The following LRP1B variants were observed in gnomAD, a reference collection of about 807,000 sequenced individuals.
LRP1B encodes the protein low-density lipoprotein receptor-related protein 1B.
A neutral mutation model predicts 556.6 loss-of-function variants in LRP1B; 217 were observed. That is an observed-to-expected ratio of 0.39 (90% CI 0.35 to 0.44). LRP1B has a LOEUF of 0.44. Ranked by LOEUF, LRP1B falls within the 20% of genes least tolerant of loss-of-function variation. LRP1B has a pLI of 1.00. For missense variants in LRP1B, 5,053 were observed against 5,620.8 expected, an observed-to-expected ratio of 0.90 and a Z score of 3.23; for synonymous variants, 2,047 against 1,865.8, an observed-to-expected ratio of 1.10 and a Z score of -2.50.
intron 66 of LRP1B, among the ~76,000 whole-genome samples, chr2:140,420,014 G>GAAAAAAAAA (rs76165653): frequency 2.3e-5 from 2 of 86,348 alleles, no homozygotes; most frequent in Admixed American, 1.4e-4. Context: ...TCATAAAAAA[G>GAAAAAAAAA]AAAAAAAAAA....
chr2:141,906,499 G>GT (rs1010273054), intron 1 of LRP1B, among the ~76,000 whole-genome samples: 13 of 152,026 alleles, frequency 8.6e-5, no homozygotes, highest in African/African-American at 1.9e-4. Flanking sequence ...CAGCAAACAA[G>GT]TTTTTTTATC....
intron 2 of LRP1B, among the ~76,000 whole-genome samples, chr2:141,514,747 G>A (rs764510622): frequency 1.8e-4 from 28 of 152,106 alleles, no homozygotes; most frequent in Non-Finnish European, 3.7e-4. Flanking sequence ...GAACACTTAC[G>A]TTAGCCTACA....
At chr2:140,735,605 G>T (rs1466357243) in intron 35 of LRP1B, among the ~76,000 whole-genome samples, 1 of 152,112 alleles carries the variant, frequency 6.6e-6, no homozygotes, top group Non-Finnish European at 1.5e-5. Context: ...TCTTTGAGGG[G>T]TTTGGCTCCT....
At chr2:140,277,104 C>A (rs532520888) in intron 84 of LRP1B, among the ~76,000 whole-genome samples, 7 of 150,606 alleles carry the variant, frequency 4.6e-5, no homozygotes, top group African/African-American at 1.2e-4. Context: ...TATAACTATA[C>A]CCCTGAAAAG....
intron 16 of LRP1B, among the ~76,000 whole-genome samples, chr2:140,990,950 T>C (rs1697075441): frequency 6.6e-6 from 1 of 152,180 alleles, no homozygotes. Context: ...CATTTCCAGT[T>C]AGTTTCTATA....
intron 2 of LRP1B, among the ~76,000 whole-genome samples, chr2:141,591,145 G>A (rs1574114155): frequency 2.0e-5 from 3 of 152,110 alleles, no homozygotes; most frequent in Non-Finnish European, 2.9e-5. Context: ...CAAGAAGTAC[G>A]TCTGTAGTAT....
intron 1 of LRP1B, among the ~76,000 whole-genome samples, chr2:142,036,090 A>G (rs1334537304): frequency 6.6e-6 from 1 of 151,710 alleles, no homozygotes; most frequent in Non-Finnish European, 1.5e-5. Context: ...AGTCTTAGGT[A>G]TGTCTTAATC....
chr2:140,683,866 T>G, intron 41 of LRP1B: 1 of 587,206 alleles, frequency 1.7e-6, no homozygotes, highest in Non-Finnish European at 3.1e-6. Context: ...CGCGGCCCCC[T>G]GCGCCTGGGC....
chr2:140,703,992 A>G (rs1686738974), intron 37 of LRP1B, among the ~76,000 whole-genome samples: 1 of 152,156 alleles, frequency 6.6e-6, no homozygotes, highest in Non-Finnish European at 1.5e-5. Context: ...TTTTGGTATA[A>G]TGATGCATTT....
chr2:141,195,365 C>A (rs532893193), intron 6 of LRP1B, among the ~76,000 whole-genome samples: 1 of 152,108 alleles, frequency 6.6e-6, no homozygotes, highest in Non-Finnish European at 1.5e-5. Context: ...TTGATTGCAA[C>A]CTCATGAGAG....
At chr2:140,543,397 T>C (rs936882160) in intron 43 of LRP1B, among the ~76,000 whole-genome samples, 3 of 152,006 alleles carry the variant, frequency 2.0e-5, no homozygotes, top group Admixed American at 6.6e-5. Context: ...AATAAAATGG[T>C]TAATACATCA....
chr2:142,079,459 G>A (rs1313282430), intron 1 of LRP1B, among the ~76,000 whole-genome samples: 1 of 151,920 alleles, frequency 6.6e-6, no homozygotes, highest in Non-Finnish European at 1.5e-5. Context: ...TATTCAAAAT[G>A]TGATTTTTCA....
At chr2:140,315,190 A>G (rs1464363124) in intron 82 of LRP1B, 91 bp from the exon 83 acceptor site, 4 of 844,892 alleles carry the variant, frequency 4.7e-6, no homozygotes, top group Non-Finnish European at 6.9e-6. Flanking sequence ...AAATACTAGG[A>G]TCTTGTGTTT....
At chr2:140,766,532 C>T (rs12470771) in intron 35 of LRP1B, among the ~76,000 whole-genome samples, 89,032 of 151,414 alleles carry the variant, frequency 0.59, 26,330 homozygotes, top group East Asian at 0.76. Context: ...GTTAGTTCAG[C>T]CTAAGCACTG....
At chr2:140,904,181 T>C (rs1165544428) in intron 22 of LRP1B, among the ~76,000 whole-genome samples, 1 of 152,106 alleles carries the variant, frequency 6.6e-6, no homozygotes, top group Non-Finnish European at 1.5e-5. Flanking sequence ...GCACACATTG[T>C]CCTAAAATTT....
chr2:140,695,396 G>A (rs1417623262), intron 41 of LRP1B, among the ~76,000 whole-genome samples: 1 of 152,062 alleles, frequency 6.6e-6, no homozygotes, highest in Non-Finnish European at 1.5e-5. Flanking sequence ...CAAGTCATTG[G>A]CCTAACAGTA....
intron 35 of LRP1B, among the ~76,000 whole-genome samples, chr2:140,766,871 A>G (rs1488987178): frequency 2.1e-5 from 3 of 144,086 alleles, no homozygotes; most frequent in Non-Finnish European, 4.5e-5. Flanking sequence ...TATATAATAT[A>G]TATAACATAT....
intron 20 of LRP1B, among the ~76,000 whole-genome samples, chr2:140,931,495 A>G (rs1322351205): frequency 6.6e-6 from 1 of 152,136 alleles, no homozygotes; most frequent in Non-Finnish European, 1.5e-5. Context: ...AAAAAAATAC[A>G]AGATTTCAAG....
At chr2:141,567,425 G>C (rs1053498602) in intron 2 of LRP1B, among the ~76,000 whole-genome samples, 1 of 152,104 alleles carries the variant, frequency 6.6e-6, no homozygotes, top group African/African-American at 2.4e-5. Context: ...ATATTTGTTA[G>C]TAAATCATTT....
Sources: allele counts gnomAD v4.1 joint callset (sites outside exome capture counted in the v4.1 genomes callset), GRCh38; gene constraint gnomAD v4.1.1; transcripts MANE v1.5; gene names NCBI Gene and HGNC (gene_info 2026-07-23, HGNC 2026-07-21).